CDKAL1: variants seen among roughly 807,000 people sequenced by gnomAD.
CDKAL1 encodes threonylcarbamoyladenosine tRNA methylthiotransferase.
Under a neutral mutation model 68.2 loss-of-function variants are expected in CDKAL1, and 32 were observed. The ratio of observed to expected loss-of-function variants is 0.47; its 90% confidence interval spans 0.35 to 0.63. The LOEUF (loss-of-function observed/expected upper bound fraction) is 0.63, where lower values mean the gene tolerates loss of function less well. CDKAL1 is among the 30% of genes least tolerant of loss of function. The pLI is 0.00. For synonymous variants in CDKAL1, 234 were observed against 244.3 expected, an observed-to-expected ratio of 0.96 and a Z score of 0.39; for missense variants, 606 against 696.7, an observed-to-expected ratio of 0.87 and a Z score of 1.47.
chr6:21,079,929 G>A (rs1167008325), intron 12 of CDKAL1, among the ~76,000 whole-genome samples: 1 of 143,814 alleles, frequency 7.0e-6, no homozygotes, highest in East Asian at 2.2e-4. Context: ...CTTTCTTTTT[G>A]TTTTTGTTGT....
At chr6:20,694,019 C>T (rs1770988094) in intron 5 of CDKAL1, among the ~76,000 whole-genome samples, 1 of 150,084 alleles carries the variant, frequency 6.7e-6, no homozygotes, top group Non-Finnish European at 1.5e-5. Context: ...ACCACTGGCA[C>T]ACACTAACAC....
chr6:20,970,541 C>G (rs375158478), intron 10 of CDKAL1, among the ~76,000 whole-genome samples: 9 of 152,142 alleles, frequency 5.9e-5, no homozygotes, highest in African/African-American at 1.9e-4. Flanking sequence ...ATCTATCAGA[C>G]CATCAATATG....
intron 12 of CDKAL1, among the ~76,000 whole-genome samples, chr6:21,095,759 G>C (rs1405831397): frequency 2.0e-5 from 3 of 152,150 alleles, no homozygotes; most frequent in African/African-American, 7.2e-5. Context: ...CGAGAGAATG[G>C]AGAAGATTGA....
rs1363795590 is a variant in CDKAL1 at position 21,065,053 on chromosome 6, C to G, written c.1061C>G (p.Pro354Arg). Residue 354 changes from proline to arginine, a missense_variant, in exon 12 of 16, where the codon CCT becomes CGT. Coordinates refer to ENST00000274695, the MANE Select transcript of CDKAL1 (RefSeq NM_017774.3). ...TTTGTCTTGTTATTTTCTAGAGTTC[C>G]TGGAATAACTATTGCTACAGATATT... ...RVVDFLKEKVPGITIATDIIC... is the reference protein window; with the variant it reads ...RVVDFLKEKVRGITIATDIIC... The G allele has an allele frequency of 2.6e-6, 4 of 1,536,876 alleles. No homozygotes were observed. Among genetic ancestry groups the G allele is most frequent in the Non-Finnish European group, 3.5e-6 (4 of 1,142,400 alleles).
intron 8 of CDKAL1, among the ~76,000 whole-genome samples, chr6:20,785,089 TAG>T (rs1775612710): frequency 6.6e-6 from 1 of 152,032 alleles, no homozygotes; most frequent in Non-Finnish European, 1.5e-5. Flanking sequence ...TCCTTCACAT[TAG>T]AGTAGAGTGT....
At chr6:20,720,673 TA>T (rs1772306270) in intron 5 of CDKAL1, among the ~76,000 whole-genome samples, 1 of 152,114 alleles carries the variant, frequency 6.6e-6, no homozygotes, top group African/African-American at 2.4e-5. Context: ...CTAATTTTTG[TA>T]TTTTTAGTAG....
chr6:20,668,963 G>A lies in CDKAL1; in HGVS notation c.371+19586G>A, dbSNP rs368916148. ...TTTTATCAAGAATATAGGAGTGGTC[G>A]ATATTGCACTTGAGATTGACAAATA... On this transcript the variant is annotated intron_variant, in intron 5 of 15. Transcript: ENST00000274695. Among the ~76,000 whole-genome samples, 62 of 152,232 alleles carry A rather than the reference G, an allele frequency of 4.1e-4. No individual in the cohort carries two copies. In the South Asian group the frequency reaches 0.01, roughly 25 times the overall value.
At chr6:21,155,886 G>A (rs1418280005) in intron 13 of CDKAL1, among the ~76,000 whole-genome samples, 1 of 152,140 alleles carries the variant, frequency 6.6e-6, no homozygotes, top group Non-Finnish European at 1.5e-5. Flanking sequence ...GATGTTCATT[G>A]CAGAACTGTT....
chr6:21,193,022 T>G (rs1283099715), intron 13 of CDKAL1, among the ~76,000 whole-genome samples: 3 of 152,044 alleles, frequency 2.0e-5, no homozygotes, highest in African/African-American at 7.2e-5. Flanking sequence ...TCTTGCTATG[T>G]GGCCCAGGCT....
chr6:20,916,439 A>T (rs1762726934), intron 9 of CDKAL1, among the ~76,000 whole-genome samples: 1 of 152,208 alleles, frequency 6.6e-6, no homozygotes, highest in African/African-American at 2.4e-5. Flanking sequence ...GTCACTGATA[A>T]ATGGCAAATA....
intron 5 of CDKAL1, among the ~76,000 whole-genome samples, chr6:20,692,870 T>C (rs1437298853): frequency 2.0e-5 from 3 of 151,922 alleles, no homozygotes; most frequent in Non-Finnish European, 4.4e-5. Context: ...CTCACACTTG[T>C]AATCCCAGCA....
chr6:20,739,471 A>G (rs1330215665), intron 5 of CDKAL1, 48 bp from the exon 6 acceptor site: 10 of 1,176,248 alleles, frequency 8.5e-6, no homozygotes, highest in Non-Finnish European at 1.1e-5. Context: ...TTCCAAGAGT[A>G]TACCCATGAG....
At chr6:20,565,204 C>T (rs72830620) in intron 4 of CDKAL1, among the ~76,000 whole-genome samples, 2 of 151,978 alleles carry the variant, frequency 1.3e-5, no homozygotes, top group Non-Finnish European at 2.9e-5. Flanking sequence ...TGAAAAAGCA[C>T]AAGACAGTTC....
chr6:20,609,249 T>TCCTC (rs1286630998), intron 4 of CDKAL1, among the ~76,000 whole-genome samples: 41 of 111,998 alleles, frequency 3.7e-4, no homozygotes, highest in Middle Eastern at 4.3e-3. Context: ...CCTTCCTTCT[T>TCCTC]CTTCCTCCTT....
At chr6:21,183,684 C>G (rs1027422284) in intron 13 of CDKAL1, among the ~76,000 whole-genome samples, 1 of 152,080 alleles carries the variant, frequency 6.6e-6, no homozygotes, top group African/African-American at 2.4e-5. Context: ...ATAGACCATC[C>G]TGGAGATAGT....
intron 4 of CDKAL1, among the ~76,000 whole-genome samples, chr6:20,616,117 TC>T (rs1241184377): frequency 1.3e-5 from 2 of 149,816 alleles, no homozygotes; most frequent in Non-Finnish European, 3.0e-5. Flanking sequence ...TTCTGAGGGC[TC>T]TGTTCTGTTC....
chr6:20,789,173 C>A (rs1256848191), intron 8 of CDKAL1, among the ~76,000 whole-genome samples: 2 of 152,182 alleles, frequency 1.3e-5, no homozygotes, highest in African/African-American at 4.8e-5. Context: ...CGTTTTTACT[C>A]TTTTGTCCAC....
chr6:20,609,591 T>C (rs1176671408), intron 4 of CDKAL1, among the ~76,000 whole-genome samples: 1 of 151,906 alleles, frequency 6.6e-6, no homozygotes, highest in Non-Finnish European at 1.5e-5. Context: ...AGATGGGGTT[T>C]CACCATGTTG....
rs996137471 is a variant in CDKAL1, at chr6:21,008,836, A to G, written c.1055+8464A>G. On this transcript the variant is annotated intron_variant, in intron 11 of 15. Transcript: ENST00000274695. ...TGGAACTAACAAGAGTAAGGCTTAG[A>G]GCAGTATTTCTTGGTCTGTTTTAAT... Among the ~76,000 whole-genome samples the G allele has an allele frequency of 2.6e-5, 4 of 152,196 alleles. No individual in the cohort carries two copies. The East Asian group carries it at 5.8e-4, about 22-fold the overall frequency.
Sources: allele counts gnomAD v4.1 joint callset (sites outside exome capture counted in the v4.1 genomes callset), GRCh38; gene constraint gnomAD v4.1.1; transcripts MANE v1.5; gene names NCBI Gene and HGNC (gene_info 2026-07-23, HGNC 2026-07-21).